Variants in PCDH15 observed in about 807,000 individuals in gnomAD.
PCDH15 encodes the protein protocadherin related 15.
In PCDH15, 129 loss-of-function variants were observed where a neutral mutation model predicts 178.5. That is an observed-to-expected ratio of 0.72 (90% CI 0.63 to 0.84). The LOEUF (loss-of-function observed/expected upper bound fraction) is 0.84, where lower values mean the gene tolerates loss of function less well. Among genes scored for constraint, PCDH15 ranks in the 40% least tolerant of loss-of-function variants. PCDH15 has a pLI of 0.00. For missense variants in PCDH15, 2,230 were observed against 2,099.9 expected, an observed-to-expected ratio of 1.06 and a Z score of -1.21; for synonymous variants, 800 against 732.0, an observed-to-expected ratio of 1.09 and a Z score of -1.50.
In PCDH15 at chr10:55,243,915, T is replaced by G. The variant is rs1841619515; in HGVS notation, c.-156+75684A>C. Among the ~76,000 whole-genome samples, 3 of 152,170 alleles carry G rather than the reference T, an allele frequency of 2.0e-5. No homozygotes were observed. The South Asian group carries it at 6.2e-4, about 32-fold the overall frequency. ...TGGCTACTTCTCACTTAGCTTGTCA[T>G]TTGACTCTGTAAAATAATGTAAATT... On this transcript the variant is annotated intron_variant, in intron 1 of 5. Transcript: ENST00000458638.
intron 2 of PCDH15, among the ~76,000 whole-genome samples, chr10:55,142,462 G>A (rs1236068103): frequency 6.6e-6 from 1 of 151,024 alleles, no homozygotes; most frequent in Admixed American, 6.6e-5. Context: ...CAACATAGAT[G>A]GGTATATATG....
At position 55,041,399 on chromosome 10, in the gene PCDH15, C is replaced by A. The variant is rs150235323; in HGVS notation, c.-80+125177G>T. ...CTAATGTATGAATCATATAGGGAAT[C>A]ATCATTAATCTGAAGGGTTCTTACT... is the stretch of plus-strand genomic sequence containing the variant. On this transcript the variant is annotated intron_variant, in intron 2 of 5. Transcript: ENST00000458638. 9.6e-4 allele frequency among the ~76,000 whole-genome samples: 146 copies of A among 152,188 alleles called. 1 individual carries two copies. The highest frequency in any genetic ancestry group is 2.8e-3 in the African/African-American group (117 of 41,558).
intron 2 of PCDH15, among the ~76,000 whole-genome samples, chr10:55,621,448 C>T (rs1837385643): frequency 6.6e-6 from 1 of 152,178 alleles, no homozygotes; most frequent in South Asian, 2.1e-4. Context: ...CTGTTCATGG[C>T]CTGTTAGGAA....
At chr10:54,660,170 A>G (rs1192069108) in intron 2 of PCDH15, among the ~76,000 whole-genome samples, 1 of 152,152 alleles carries the variant, frequency 6.6e-6, no homozygotes, top group African/African-American at 2.4e-5. Context: ...AATAAAATTG[A>G]TAAGACTGCT....
At chr10:55,567,660 T>C (rs767101031) in intron 2 of PCDH15, among the ~76,000 whole-genome samples, 6 of 151,926 alleles carry the variant, frequency 3.9e-5, no homozygotes, top group Non-Finnish European at 7.4e-5. Flanking sequence ...AAAGAAGATA[T>C]ACAAATGGCA....
Position 54,199,672 on chromosome 10 carries a change from G to A in PCDH15, c.1099-3783C>T, listed in dbSNP as rs531166348. Among the ~76,000 whole-genome samples, 18 of 151,402 alleles carry A rather than the reference G, an allele frequency of 1.2e-4. No homozygotes were observed. In the East Asian group the frequency reaches 1.9e-3, roughly 16 times the overall value. On this transcript the variant is annotated intron_variant, in intron 10 of 37. Transcript: ENST00000644397. ...CTTTTCTTCCATACAATATAAATAA[G>A]GGTTCTCAAAAATCTGAATTATTCT...
At chr10:54,007,555 G>A (rs896651528) in intron 20 of PCDH15, among the ~76,000 whole-genome samples, 2 of 152,048 alleles carry the variant, frequency 1.3e-5, no homozygotes, top group African/African-American at 4.8e-5. Context: ...AAGAAAAAAT[G>A]TATGTTATTT....
chr10:54,710,797 G>A (rs1207973807), intron 1 of PCDH15, among the ~76,000 whole-genome samples: 1 of 151,880 alleles, frequency 6.6e-6, no homozygotes, highest in Admixed American at 6.6e-5. Flanking sequence ...TTTACTTGAT[G>A]ACTCAACTTT....
At chr10:54,110,065 T>C (rs2094988330) in intron 15 of PCDH15, among the ~76,000 whole-genome samples, 1 of 152,002 alleles carries the variant, frequency 6.6e-6, no homozygotes, top group Admixed American at 6.6e-5. Context: ...TGGCATGTAG[T>C]GTGAAGTGTT....
intron 17 of PCDH15, among the ~76,000 whole-genome samples, chr10:54,075,808 A>G (rs558659248): frequency 6.6e-6 from 1 of 152,156 alleles, no homozygotes; most frequent in Admixed American, 6.5e-5. Flanking sequence ...ATTGGCCTGT[A>G]TTTCTGTTTT....
At chr10:55,556,406 GA>G (rs1467211466) in intron 2 of PCDH15, among the ~76,000 whole-genome samples, 1 of 152,150 alleles carries the variant, frequency 6.6e-6, no homozygotes, top group African/African-American at 2.4e-5. Context: ...TGCTCTTCAA[GA>G]TGCTTATGCC....
chr10:54,174,239 A>G (rs1762312129), intron 13 of PCDH15, among the ~76,000 whole-genome samples: 1 of 152,176 alleles, frequency 6.6e-6, no homozygotes, highest in South Asian at 2.1e-4. Context: ...GTGGCAGTGA[A>G]AGAAAAATTA....
intron 1 of PCDH15, among the ~76,000 whole-genome samples, chr10:54,687,960 A>T (rs2095044563): frequency 1.3e-5 from 2 of 152,144 alleles, no homozygotes; most frequent in African/African-American, 4.8e-5. Flanking sequence ...AGATCTGCCA[A>T]ACAACATTAT....
intron 2 of PCDH15, among the ~76,000 whole-genome samples, chr10:55,390,293 C>A (rs899733527): frequency 4.6e-5 from 7 of 152,098 alleles, no homozygotes; most frequent in African/African-American, 1.7e-4. Flanking sequence ...GAATCCTAAT[C>A]TTTTTTGCTT....
intron 9 of PCDH15, among the ~76,000 whole-genome samples, chr10:54,236,110 T>A (rs2054601126): frequency 6.6e-6 from 1 of 152,124 alleles, no homozygotes; most frequent in African/African-American, 2.4e-5. Flanking sequence ...CAAGCACACT[T>A]CAAAAGAAGC....
chr10:55,207,777 G>T (rs1380531576), intron 1 of PCDH15, among the ~76,000 whole-genome samples: 1 of 152,050 alleles, frequency 6.6e-6, no homozygotes, highest in East Asian at 1.9e-4. Context: ...AGACCAGCCT[G>T]GACAACATGG....
chr10:55,196,936 T>A (rs2132153510), intron 1 of PCDH15, among the ~76,000 whole-genome samples: 1 of 152,138 alleles, frequency 6.6e-6, no homozygotes, highest in East Asian at 1.9e-4. Flanking sequence ...AAAGAATTTT[T>A]AAAAATTATC....
intron 1 of PCDH15, among the ~76,000 whole-genome samples, chr10:55,286,683 C>T (rs1373618534): frequency 6.6e-6 from 1 of 151,850 alleles, no homozygotes; most frequent in Non-Finnish European, 1.5e-5. Flanking sequence ...AATGAGCTTC[C>T]CATTTGACCT....
At chr10:54,943,809 C>G (rs766962724) in intron 2 of PCDH15, among the ~76,000 whole-genome samples, 6 of 150,854 alleles carry the variant, frequency 4.0e-5, no homozygotes, top group Non-Finnish European at 7.4e-5. Flanking sequence ...TCTTAAGAAC[C>G]AGGCTTTTCT....
Sources: gnomAD v4.1 joint callset for allele counts (sites outside exome capture counted in the v4.1 genomes callset) on GRCh38, gnomAD v4.1.1 for gene constraint, MANE v1.5 for transcripts, NCBI Gene and HGNC (gene_info 2026-07-23, HGNC 2026-07-21) for gene names.